Variants in GNG7 observed in about 807,000 individuals in gnomAD.
The protein encoded by GNG7 is guanine nucleotide-binding protein G(I)/G(S)/G(O) subunit gamma-7.
A neutral mutation model predicts 4.0 loss-of-function variants in GNG7; 1 was observed. The observed-to-expected ratio is 0.25, with a 90% confidence interval of 0.09 to 1.18. The LOEUF (loss-of-function observed/expected upper bound fraction) is 1.18. Among genes scored for constraint, GNG7 ranks in the 50% most tolerant of loss-of-function variants. GNG7 has a pLI of 0.50. For synonymous variants in GNG7, 34 were observed against 36.9 expected, an observed-to-expected ratio of 0.92 and a Z score of 0.29; for missense variants, 86 against 91.9, an observed-to-expected ratio of 0.94 and a Z score of 0.26.
At chr19:2,578,669 G>C (rs2965211) in intron 2 of GNG7, among the ~76,000 whole-genome samples, 21,013 of 152,198 alleles carry the variant, frequency 0.14, 1,688 homozygotes, top group African/African-American at 0.23. Context: ...GGACATTGGG[G>C]CTGGATCCTT....
chr19:2,584,467 A>T (rs950648026), intron 2 of GNG7, among the ~76,000 whole-genome samples: 12 of 150,074 alleles, frequency 8.0e-5, no homozygotes, highest in African/African-American at 3.0e-4. Context: ...TTAGCCAGGC[A>T]TGGTGATGTG....
At chr19:2,656,145 C>T (rs551912953) in intron 1 of GNG7, among the ~76,000 whole-genome samples, 47 of 150,896 alleles carry the variant, frequency 3.1e-4, no homozygotes, top group Non-Finnish European at 6.0e-4. Flanking sequence ...TTCTGGAGAA[C>T]GGAATGGAAG....
chr19:2,602,650 C>T (rs927686845), intron 2 of GNG7, among the ~76,000 whole-genome samples: 4 of 152,270 alleles, frequency 2.6e-5, no homozygotes, highest in African/African-American at 9.6e-5. Context: ...CATGTGCTAC[C>T]TTCCGTGGTG....
chr19:2,662,006 T>A (rs1252267785), intron 1 of GNG7, among the ~76,000 whole-genome samples: 1 of 152,164 alleles, frequency 6.6e-6, no homozygotes, highest in African/African-American at 2.4e-5. Flanking sequence ...ACGCCTGTAA[T>A]CCCAGCACTT....
chr19:2,523,879 A>G (rs553545008), intron 3 of GNG7, among the ~76,000 whole-genome samples: 32 of 152,252 alleles, frequency 2.1e-4, no homozygotes, highest in African/African-American at 6.7e-4. Flanking sequence ...TTTCCAGCAG[A>G]CGTCCCACCC....
intron 1 of GNG7, among the ~76,000 whole-genome samples, chr19:2,681,537 G>C (rs1053600072): frequency 6.6e-6 from 1 of 152,114 alleles, no homozygotes; most frequent in African/African-American, 2.4e-5. Flanking sequence ...CCAAAGCGCT[G>C]GGATCACTAG....
intron 3 of GNG7, among the ~76,000 whole-genome samples, chr19:2,532,695 G>A (rs61662826): frequency 0.35 from 52,867 of 152,050 alleles, 9,543 homozygotes; most frequent in East Asian, 0.51. Flanking sequence ...ACATGAAATG[G>A]TGTCTAATGA....
chr19:2,562,881 G>T (rs1368074677), intron 2 of GNG7, among the ~76,000 whole-genome samples: 1 of 152,200 alleles, frequency 6.6e-6, no homozygotes, highest in South Asian at 2.1e-4. Flanking sequence ...TACACCATCG[G>T]CCCCATCGGG....
intron 1 of GNG7, among the ~76,000 whole-genome samples, chr19:2,689,890 A>G (rs1913094485): frequency 6.6e-6 from 1 of 152,060 alleles, no homozygotes; most frequent in Non-Finnish European, 1.5e-5. Flanking sequence ...CGGTGGAGCC[A>G]CTCTCTACGG....
At chr19:2,645,553 T>TA (rs200733085) in intron 2 of GNG7, among the ~76,000 whole-genome samples, 28 of 144,910 alleles carry the variant, frequency 1.9e-4, no homozygotes, top group East Asian at 9.7e-4. Context: ...CCCTAACTCT[T>TA]AAAAAAAAAT....
intron 3 of GNG7, among the ~76,000 whole-genome samples, chr19:2,542,061 C>T (rs896630758): frequency 1.3e-5 from 2 of 150,596 alleles, no homozygotes; most frequent in African/African-American, 4.9e-5. Flanking sequence ...GTGGCAGGTG[C>T]ACAGTCGGGC....
intron 2 of GNG7, among the ~76,000 whole-genome samples, chr19:2,620,686 G>A (rs781235404): frequency 3.3e-5 from 5 of 152,188 alleles, no homozygotes; most frequent in Admixed American, 6.5e-5. Flanking sequence ...AACGTGGGTC[G>A]GCCAGTTAGC....
In GNG7 at chr19:2,574,385, T is replaced by C. The variant is rs115781160; in HGVS notation, c.-77-19197A>G. On this transcript the variant is annotated intron_variant, in intron 2 of 4. Transcript: ENST00000382159. ...CTGTCCCCATGAAACACTCACTCCCTGTCCCCCTCCCCAGCCCCTGGCACT... is the reference window on the plus strand; with the variant it reads ...CTGTCCCCATGAAACACTCACTCCCCGTCCCCCTCCCCAGCCCCTGGCACT... Among the ~76,000 whole-genome samples, 431 of 152,230 alleles carry C rather than the reference T, an allele frequency of 2.8e-3. 3 individuals are homozygous for C. Among genetic ancestry groups the C allele is most frequent in the African/African-American group, 9.8e-3 (409 of 41,574 alleles).
At chr19:2,554,181 A>AT (rs555131955) in intron 3 of GNG7, among the ~76,000 whole-genome samples, 2 of 143,580 alleles carry the variant, frequency 1.4e-5, no homozygotes, top group African/African-American at 5.4e-5. Flanking sequence ...TAATATATAT[A>AT]TTTTTTTCTT....
intron 3 of GNG7, among the ~76,000 whole-genome samples, chr19:2,521,612 G>GTTTTTTT (rs71178284): frequency 0.011 from 1,116 of 104,590 alleles, 59 homozygotes; most frequent in African/African-American, 0.024. Flanking sequence ...CCCCCTCCGT[G>GTTTTTTT]TTTTTTTTTT....
intron 1 of GNG7, among the ~76,000 whole-genome samples, chr19:2,661,304 G>A (rs868269788): frequency 3.7e-4 from 32 of 87,046 alleles, no homozygotes; most frequent in Admixed American, 8.9e-4. Context: ...GAAAGAAAGA[G>A]AAAGAAAGAA....
chr19:2,695,622 G>A (rs1189972343), intron 1 of GNG7, among the ~76,000 whole-genome samples: 1 of 151,816 alleles, frequency 6.6e-6, no homozygotes, highest in African/African-American at 2.4e-5. Context: ...GGTACTTGAA[G>A]GGTCAGAGGG....
chr19:2,553,862 A>C (rs536377760), intron 3 of GNG7, among the ~76,000 whole-genome samples: 1 of 138,692 alleles, frequency 7.2e-6, no homozygotes, highest in East Asian at 2.1e-4. Flanking sequence ...TACATATTAT[A>C]TGTAACATTG....
At chr19:2,689,464 A>G (rs934173824) in intron 1 of GNG7, among the ~76,000 whole-genome samples, 1 of 151,474 alleles carries the variant, frequency 6.6e-6, no homozygotes, top group African/African-American at 2.4e-5. Flanking sequence ...CTCTACTAAA[A>G]ATACAAAAAA....
Sources: gnomAD v4.1 joint callset for allele counts (sites outside exome capture counted in the v4.1 genomes callset) on GRCh38, gnomAD v4.1.1 for gene constraint, MANE v1.5 for transcripts, NCBI Gene and HGNC (gene_info 2026-07-23, HGNC 2026-07-21) for gene names.